The following F13A1 variants were observed in gnomAD, a reference collection of about 807,000 sequenced individuals.
F13A1 encodes FSF, A subunit.
In F13A1, 47 loss-of-function variants were observed where a neutral mutation model predicts 80.1. The observed-to-expected ratio is 0.59, with a 90% CI of 0.46 to 0.75. F13A1 has a LOEUF of 0.75. Ranked by LOEUF, F13A1 falls within the 30% of genes least tolerant of loss-of-function variation. F13A1 has a pLI of 0.00. For missense variants in F13A1, 817 were observed against 930.4 expected (o/e 0.88, Z 1.59); for synonymous variants, 349 against 344.9 (o/e 1.01, Z -0.13).
intron 4 of F13A1, among the ~76,000 whole-genome samples, chr6:6,265,941 A>G (rs1245551969): frequency 1.3e-5 from 2 of 152,220 alleles, no homozygotes; most frequent in Admixed American, 1.3e-4. Context: ...TAGGTTGGTG[A>G]GGTTGGTGCA....
At chr6:6,313,807 T>C (rs2113199661) in intron 2 of F13A1, among the ~76,000 whole-genome samples, 1 of 152,284 alleles carries the variant, frequency 6.6e-6, no homozygotes, top group South Asian at 2.1e-4. Flanking sequence ...AGTGTTGTTA[T>C]TAATACATCC....
At chr6:6,315,819 G>C (rs963164553) in intron 2 of F13A1, among the ~76,000 whole-genome samples, 2 of 151,782 alleles carry the variant, frequency 1.3e-5, no homozygotes, top group Non-Finnish European at 1.5e-5. Flanking sequence ...CCGCAGATTG[G>C]TAACCGCGGA....
chr6:6,195,140 C>T (rs1479782016), intron 10 of F13A1, among the ~76,000 whole-genome samples: 2 of 152,236 alleles, frequency 1.3e-5, no homozygotes, highest in East Asian at 3.8e-4. Flanking sequence ...CAGAGCTCTC[C>T]TTGAGTATCC....
intron 3 of F13A1, among the ~76,000 whole-genome samples, chr6:6,280,950 C>T (rs1363037841): frequency 2.0e-5 from 3 of 152,112 alleles, no homozygotes; most frequent in Non-Finnish European, 4.4e-5. Flanking sequence ...TAAGCATGTA[C>T]CCTGGAGTTT....
intron 3 of F13A1, among the ~76,000 whole-genome samples, chr6:6,270,470 T>C (rs534277888): frequency 3.9e-4 from 59 of 152,354 alleles, no homozygotes; most frequent in African/African-American, 1.3e-3. Flanking sequence ...TATTCAATTT[T>C]AAGATTGCAA....
chr6:6,313,593 TC>T (rs1758637965), intron 2 of F13A1, among the ~76,000 whole-genome samples: 1 of 152,182 alleles, frequency 6.6e-6, no homozygotes, highest in Non-Finnish European at 1.5e-5. Flanking sequence ...TACTAGGAAT[TC>T]CCTAGTGAAC....
intron 8 of F13A1, among the ~76,000 whole-genome samples, chr6:6,211,521 TCTA>T (rs774240714): frequency 1.1e-4 from 16 of 152,214 alleles, no homozygotes; most frequent in Non-Finnish European, 2.2e-4. Flanking sequence ...ATTTTTCTTC[TCTA>T]CTATTTTACT....
At chr6:6,240,024 A>C (rs532997038) in intron 6 of F13A1, among the ~76,000 whole-genome samples, 4 of 152,276 alleles carry the variant, frequency 2.6e-5, no homozygotes, top group Admixed American at 1.3e-4. Context: ...TGCTGGCCCC[A>C]GGAGACCAGA....
rs754522429 is a variant in F13A1, at chr6:6,206,563, G to A, written c.1113-9237C>T. The A allele has an allele frequency of 3.8e-5, 19 of 503,400 alleles. 1 individual carries two copies. Among genetic ancestry groups the A allele is most frequent in the East Asian group, 1.2e-4 (2 of 17,256 alleles). 31.2% of individuals were successfully genotyped at this position (503,400 alleles called of 1,614,324 possible). A position where few individuals can be genotyped will look rare whatever the true frequency, so the allele number is the denominator to read the frequency against. The stretch of plus-strand genomic sequence containing the variant: ...CTTGAGTGGAATGAGGGCTTCAGGC[G>A]CTCTTTGGAGACATTCCAGCAGCAG... On this transcript the variant is annotated intron_variant, in intron 8 of 14. Coordinates refer to ENST00000264870, the MANE Select transcript of F13A1 (RefSeq NM_000129.4).
chr6:6,273,590 T>G (rs760750470), intron 3 of F13A1, among the ~76,000 whole-genome samples: 18 of 152,352 alleles, frequency 1.2e-4, no homozygotes, highest in South Asian at 8.3e-4. Flanking sequence ...GAATCTATCA[T>G]GTCTTCAGCT....
At chr6:6,273,166 C>A (rs1214282246) in intron 3 of F13A1, among the ~76,000 whole-genome samples, 1 of 152,182 alleles carries the variant, frequency 6.6e-6, no homozygotes, top group Non-Finnish European at 1.5e-5. Context: ...GCCAGAAAAG[C>A]CCAAACAAAC....
At chr6:6,172,007 C>T (rs1419420623) in intron 12 of F13A1, among the ~76,000 whole-genome samples, 12 of 152,182 alleles carry the variant, frequency 7.9e-5, no homozygotes. Context: ...TTCTATTACC[C>T]ATATAACTAT....
chr6:6,194,954 T>C (rs1213075143), intron 10 of F13A1, among the ~76,000 whole-genome samples: 1 of 152,190 alleles, frequency 6.6e-6, no homozygotes, highest in Non-Finnish European at 1.5e-5. Flanking sequence ...GAATTATCAA[T>C]TTTAGAAGGT....
intron 8 of F13A1, among the ~76,000 whole-genome samples, chr6:6,216,700 T>C (rs1757093419): frequency 6.8e-6 from 1 of 146,212 alleles, no homozygotes; most frequent in African/African-American, 2.7e-5. Context: ...ACTCAAGAGC[T>C]TCTGCACAGC....
Position 6,224,793 on chromosome 6 carries a change from G to T in F13A1, c.866C>A (p.Pro289His). ...AACGCTTCCAGTCCAGGCCGATGGG[G>T]GGACGCCATAGGCATAGATATTGTC... ...SWDNIYAYGV[P>H]PSAWTGSVDI... Residue 289 changes from proline (P) to histidine (H), a missense_variant, in exon 7 of 15, where the codon CCC becomes CAC. Transcript: ENST00000264870. 6.2e-7 allele frequency: 1 copy of T among 1,614,122 alleles called. No individual in the cohort carries two copies. Among genetic ancestry groups the T allele is most frequent in the Non-Finnish European group, 8.5e-7 (1 of 1,179,984 alleles).
chr6:6,290,270 A>G (rs1758205026), intron 3 of F13A1, among the ~76,000 whole-genome samples: 1 of 152,206 alleles, frequency 6.6e-6, no homozygotes, highest in Admixed American at 6.5e-5. Context: ...TGTTTGCACA[A>G]AATCTTAAGT....
rs1430826744 is a variant in F13A1, at chr6:6,195,904, G to A, written c.1217-19C>T. 1.2e-6 allele frequency: 2 copies of A among 1,612,238 alleles called. No individual in the cohort carries two copies. The highest frequency in any genetic ancestry group is 2.2e-5 in the East Asian group (1 of 44,864). ...TACATGCCTGCATTGCACAGAGGAA[G>A]GGCGGTGTGAGTTTGTCATCTCCAA... is the stretch of plus-strand genomic sequence containing the variant. On this transcript the variant is annotated intron_variant, in intron 9 of 14. Transcript: ENST00000264870.
At chr6:6,267,502 G>A (rs1419231332) in intron 3 of F13A1, among the ~76,000 whole-genome samples, 1 of 152,138 alleles carries the variant, frequency 6.6e-6, no homozygotes, top group Non-Finnish European at 1.5e-5. Context: ...ATCTTGGGAT[G>A]AGCTTGCCCT....
chr6:6,165,637 C>G (rs1259752664), intron 13 of F13A1, among the ~76,000 whole-genome samples: 1 of 152,118 alleles, frequency 6.6e-6, no homozygotes, highest in Non-Finnish European at 1.5e-5. Context: ...TTCCACCAAG[C>G]AGCTGGGACA....
Sources: gnomAD v4.1 joint callset for allele counts (sites outside exome capture counted in the v4.1 genomes callset) on GRCh38, gnomAD v4.1.1 for gene constraint, MANE v1.5 for transcripts, NCBI Gene and HGNC (gene_info 2026-07-23, HGNC 2026-07-21) for gene names.